Variants in ATR observed in about 807,000 individuals in gnomAD.
The protein encoded by ATR is ATR checkpoint kinase.
In ATR, 142 loss-of-function variants were observed where a neutral mutation model predicts 305.3. The ratio of observed to expected loss-of-function variants is 0.47; its 90% CI spans 0.41 to 0.53. The LOEUF (loss-of-function observed/expected upper bound fraction) is 0.53. Among genes scored for constraint, ATR ranks in the 20% least tolerant of loss-of-function variants. The pLI is 0.00. For missense variants in ATR, 2,135 were observed against 3,133.1 expected (o/e 0.68, Z 7.60); for synonymous variants, 1,050 against 1,068.1 (o/e 0.98, Z 0.33).
At chr3:142,499,832 G>T in intron 30 of ATR, 114 bp from the exon 31 acceptor site, 1 of 861,594 alleles carries the variant, frequency 1.2e-6, no homozygotes, top group Non-Finnish European at 1.8e-6. Context: ...GCATTATATT[G>T]TATTTTGTTC....
chr3:142,558,825 A>C, intron 7 of ATR, 49 bp from the exon 8 acceptor site: 1 of 1,509,254 alleles, frequency 6.6e-7, no homozygotes, highest in Non-Finnish European at 9.1e-7. Context: ...CCTTAATCAT[A>C]TCTCTTTTAA....
intron 34 of ATR, 97 bp from the exon 35 acceptor site, chr3:142,493,408 T>G: frequency 7.6e-7 from 1 of 1,318,070 alleles, no homozygotes; most frequent in Non-Finnish European, 1.0e-6. Flanking sequence ...ACAAATCCAT[T>G]TGTAATTTCA....
chr3:142,546,602 GTCCTGAGTTA>G (rs2034276882), intron 16 of ATR, among the ~76,000 whole-genome samples: 1 of 152,150 alleles, frequency 6.6e-6, no homozygotes, highest in Non-Finnish European at 1.5e-5. Flanking sequence ...CAGTTACATA[GTCCTGAGTTA>G]TTCTAACATT....
chr3:142,547,752 C>A lies in ATR; in HGVS notation c.3330G>T (p.Pro1110=), dbSNP rs771643731. ...TCAGTTCAGGTGATATGATATCTCT[C>A]GGGCCCTGATATGGATCATCACTGG... ...FASSDDPYQG[P]RDIISPELMA... The change falls in exon 16 of 47, where the codon CCG becomes CCT. Residue 1110 remains proline (P), a synonymous_variant. Transcript: ENST00000350721. 1.2e-6 allele frequency: 2 copies of A among 1,613,852 alleles called. No homozygotes were observed. The highest frequency in any genetic ancestry group is 8.5e-7 in the Non-Finnish European group (1 of 1,179,884).
Position 142,470,187 on chromosome 3 carries a change from C to A in ATR, c.6222-4G>T. 1 of 1,576,202 alleles carries A rather than the reference C, an allele frequency of 6.3e-7. No homozygotes were observed. Among genetic ancestry groups the A allele is most frequent in the Non-Finnish European group, 8.7e-7 (1 of 1,148,038 alleles). On this transcript the variant is annotated splice_polypyrimidine_tract_variant and splice_region_variant and intron_variant, in intron 36 of 46. Coordinates refer to ENST00000350721, the MANE Select transcript of ATR (RefSeq NM_001184.4). Reference sequence around the variant, plus strand: ...CTGATTTCCATATTGTAGAGATCTGCAATTATATAGACAAGAAACACTATT... The same window carrying A: ...CTGATTTCCATATTGTAGAGATCTGAAATTATATAGACAAGAAACACTATT...
chr3:142,494,855 C>T (rs978302584), intron 34 of ATR, among the ~76,000 whole-genome samples: 2 of 152,118 alleles, frequency 1.3e-5, no homozygotes, highest in Non-Finnish European at 2.9e-5. Flanking sequence ...TTAGAAAGAT[C>T]ACAAACTGCA....
At chr3:142,472,939 C>T (rs141539090) in intron 36 of ATR, among the ~76,000 whole-genome samples, 7 of 152,232 alleles carry the variant, frequency 4.6e-5, no homozygotes, top group African/African-American at 1.4e-4. Flanking sequence ...CATGCCTGGC[C>T]AGGTGATTTG....
At chr3:142,546,090 A>ACCCTCT (rs1345603850) in intron 16 of ATR, among the ~76,000 whole-genome samples, 2 of 152,076 alleles carry the variant, frequency 1.3e-5, no homozygotes, top group African/African-American at 4.8e-5. Flanking sequence ...AGGATCCCTT[A>ACCCTCT]CCCTCTGGCT....
intron 36 of ATR, among the ~76,000 whole-genome samples, chr3:142,482,381 C>T (rs190024313): frequency 6.6e-6 from 1 of 152,136 alleles, no homozygotes; most frequent in Non-Finnish European, 1.5e-5. Context: ...CTGAAGGGTA[C>T]TTTAAAAATA....
At chr3:142,556,888 T>C (rs980996886) in intron 8 of ATR, among the ~76,000 whole-genome samples, 6 of 152,266 alleles carry the variant, frequency 3.9e-5, no homozygotes, top group Admixed American at 3.9e-4. Flanking sequence ...ATTTTCTAGA[T>C]AGCAAAAATT....
At chr3:142,508,140 G>GACTT (rs760967895) in intron 27 of ATR, 31 bp from the exon 28 acceptor site, 1 of 1,557,712 alleles carries the variant, frequency 6.4e-7, no homozygotes, top group Non-Finnish European at 8.8e-7. Context: ...AGTAATTAAA[G>GACTT]ACTTATAAGA....
rs369712804 is a variant in ATR, at chr3:142,512,267, G to A, written c.4845C>T (p.Asp1615=). Reference sequence around the variant, plus strand: ...ACAGAAGTGATAACTCACCCATTGAGTCTACCTTATTTCTGTTTGATTTGC... The same window carrying A: ...ACAGAAGTGATAACTCACCCATTGAATCTACCTTATTTCTGTTTGATTTGC... ...PHSKSNRNKV[D]SMVSTVDYED... is the part of the protein sequence containing the mutation. The change falls in exon 27 of 47, where the codon GAC becomes GAT. Residue 1615 remains aspartate, a synonymous_variant. Transcript: ENST00000350721. 1.9e-6 allele frequency: 3 copies of A among 1,598,490 alleles called. No homozygotes were observed. Among genetic ancestry groups the A allele is most frequent in the Non-Finnish European group, 2.6e-6 (3 of 1,168,908 alleles).
At chr3:142,548,143 A>C (rs1203196157) in intron 15 of ATR, among the ~76,000 whole-genome samples, 2 of 152,204 alleles carry the variant, frequency 1.3e-5, no homozygotes, top group African/African-American at 4.8e-5. Flanking sequence ...TTAGAAATAA[A>C]ATATTAAAAA....
At chr3:142,549,795 A>T in intron 14 of ATR, 122 bp from the exon 15 acceptor site, 1 of 855,900 alleles carries the variant, frequency 1.2e-6, no homozygotes, top group Non-Finnish European at 1.9e-6. Context: ...TCCATACTAT[A>T]AAATATGTAA....
At position 142,498,724 on chromosome 3, in the gene ATR, C is replaced by T. The variant is rs2108341525; in HGVS notation, c.5431G>A (p.Ala1811Thr). ...AAAGCTGTGATATCTCTTTTTTTGG[C>T]TGATAATAATAGCTGTCCCAGTCTG... ...SVRLGQLLLS[A>T]KKRDITAFYD... The change falls in exon 32 of 47, where the codon GCC becomes ACC. Residue 1811 changes from alanine (A) to threonine (T), a missense_variant. Physicochemically the swap from Ala to Thr is moderately conservative, Grantham distance 58. Around this residue, in one of 9 missense-constraint regions of ATR, gnomAD observed 117 missense variants for 198.3 expected, o/e 0.59. Coordinates refer to ENST00000350721, the MANE Select transcript of ATR (RefSeq NM_001184.4). 6.2e-7 allele frequency: 1 copy of T among 1,613,850 alleles called. No individual in the cohort carries two copies. Among genetic ancestry groups the T allele is most frequent in the Non-Finnish European group, 8.5e-7 (1 of 1,179,946 alleles).
chr3:142,535,241 T>C, intron 20 of ATR, 36 bp from the exon 21 acceptor site: 1 of 1,611,040 alleles, frequency 6.2e-7, no homozygotes, highest in Non-Finnish European at 8.5e-7. Flanking sequence ...AACTTATTAA[T>C]CAACTATTTT....
chr3:142,524,784 A>G (rs1416363114), intron 21 of ATR, among the ~76,000 whole-genome samples: 1 of 152,204 alleles, frequency 6.6e-6, no homozygotes, highest in Non-Finnish European at 1.5e-5. Context: ...AATGATAAAT[A>G]TGTCAATTCA....
At chr3:142,550,524 G>T (rs2034436444) in intron 13 of ATR, among the ~76,000 whole-genome samples, 1 of 152,046 alleles carries the variant, frequency 6.6e-6, no homozygotes, top group Non-Finnish European at 1.5e-5. Flanking sequence ...TCATGCTAAG[G>T]ATTATACCAC....
intron 16 of ATR, 133 bp from the exon 17 acceptor site, chr3:142,542,890 A>G: frequency 2.7e-6 from 2 of 741,388 alleles, no homozygotes; most frequent in Admixed American, 2.7e-5. Flanking sequence ...ACACTTGGTT[A>G]ATTAAGTTTC....
Sources: allele counts gnomAD v4.1 joint callset (sites outside exome capture counted in the v4.1 genomes callset), GRCh38; gene constraint gnomAD v4.1.1; regional missense constraint gnomAD v4.1.1; transcripts MANE v1.5; gene names NCBI Gene and HGNC (gene_info 2026-07-23, HGNC 2026-07-21).